Variants in THSD4 observed in about 807,000 individuals in gnomAD.
THSD4 encodes the protein thrombospondin type-1 domain-containing protein 4.
In THSD4, 69 loss-of-function variants were observed where a neutral mutation model predicts 119.0. That is an observed-to-expected ratio of 0.58 (90% CI 0.48 to 0.71). The LOEUF (loss-of-function observed/expected upper bound fraction) is 0.71, where lower values mean the gene tolerates loss of function less well. Ranked by LOEUF, THSD4 falls within the 30% of genes least tolerant of loss-of-function variation. The pLI, the probability that THSD4 is intolerant of heterozygous loss-of-function variation, is 0.00. For synonymous variants in THSD4, 524 were observed against 540.4 expected (o/e 0.97, Z 0.42); for missense variants, 1,393 against 1,391.1 (o/e 1.00, Z -0.02).
At chr15:71,472,644 A>C (rs1258669283) in intron 7 of THSD4, among the ~76,000 whole-genome samples, 1 of 152,148 alleles carries the variant, frequency 6.6e-6, no homozygotes, top group South Asian at 2.1e-4. Flanking sequence ...TCTTCATTCC[A>C]AGATGAATGT....
At chr15:71,528,105 C>G (rs967079051) in intron 7 of THSD4, among the ~76,000 whole-genome samples, 1 of 152,182 alleles carries the variant, frequency 6.6e-6, no homozygotes, top group South Asian at 2.1e-4. Context: ...CTTGGACTCT[C>G]TTGCTCTCAG....
At chr15:71,530,384 G>C (rs922780932) in intron 7 of THSD4, among the ~76,000 whole-genome samples, 2 of 152,116 alleles carry the variant, frequency 1.3e-5, no homozygotes, top group African/African-American at 4.8e-5. Context: ...AGAAAGCGGG[G>C]AGGAAGGAGG....
chr15:71,723,514 G>A (rs1158266391), intron 8 of THSD4, among the ~76,000 whole-genome samples: 2 of 152,142 alleles, frequency 1.3e-5, no homozygotes, highest in Non-Finnish European at 2.9e-5. Context: ...TGTCTACTGT[G>A]TAAACATTCA....
intron 7 of THSD4, among the ~76,000 whole-genome samples, chr15:71,444,131 G>A (rs2047148483): frequency 1.3e-5 from 2 of 152,172 alleles, no homozygotes; most frequent in Non-Finnish European, 2.9e-5. Flanking sequence ...CGGTGCAAGT[G>A]CTTAATAAAT....
chr15:71,118,902 G>A (rs1012107570), intron 1 of THSD4, among the ~76,000 whole-genome samples: 1 of 152,150 alleles, frequency 6.6e-6, no homozygotes, highest in Non-Finnish European at 1.5e-5. Context: ...CTCCTCCTCC[G>A]CAGGACCGCT....
chr15:71,442,660 G>GTGTGTATATATATA, intron 7 of THSD4, among the ~76,000 whole-genome samples: 3 of 25,828 alleles, frequency 1.2e-4, no homozygotes, highest in African/African-American at 3.2e-4. Flanking sequence ...GTGTGTGTGT[G>GTGTGTATATATATA]TATATATATA....
At chr15:71,262,137 C>T (rs1247135069) in intron 6 of THSD4, among the ~76,000 whole-genome samples, 1 of 152,154 alleles carries the variant, frequency 6.6e-6, no homozygotes, top group Non-Finnish European at 1.5e-5. Context: ...TGCAATGCCA[C>T]ATAGAATAGT....
rs2043284941 is a variant in THSD4, at chr15:71,165,285, ACTT to A, written c.99+10357_99+10359del. On this transcript the variant is annotated intron_variant, in intron 3 of 17. Transcript: ENST00000261862. ...GAAATGGTCTTCCACCTCTCTGAGC[ACTT>A]CTTAGAAAACTCTTGAGAAGTTGAC... 1.1e-5 allele frequency: 18 copies of A among 1,591,158 alleles called. No individual in the cohort carries two copies. In the South Asian group the frequency reaches 1.8e-4, roughly 16 times the overall value.
chr15:71,324,840 T>C (rs1357957855), intron 6 of THSD4, among the ~76,000 whole-genome samples: 4 of 152,356 alleles, frequency 2.6e-5, no homozygotes, highest in African/African-American at 7.2e-5. Flanking sequence ...GTAGGATTGC[T>C]GGATGGAATG....
chr15:71,322,039 G>C lies in THSD4; in HGVS notation c.1015+65324G>C, dbSNP rs532532314. On this transcript the variant is annotated intron_variant, in intron 6 of 17. Transcript: ENST00000261862. ...ATCACATGGACTTAAAAAAAAAAAAGTGGGTCAAATTAAGTTGAAAACAAG... is the reference window on the plus strand; with the variant it reads ...ATCACATGGACTTAAAAAAAAAAAACTGGGTCAAATTAAGTTGAAAACAAG... Among the ~76,000 whole-genome samples, 5 of 151,202 alleles carry C rather than the reference G, an allele frequency of 3.3e-5. No individual in the cohort carries two copies. In the East Asian group the frequency reaches 9.7e-4, roughly 29 times the overall value.
chr15:71,199,981 C>T (rs62016847), intron 3 of THSD4, among the ~76,000 whole-genome samples: 60,912 of 127,440 alleles, frequency 0.48, 13,653 homozygotes, highest in East Asian at 0.6. Flanking sequence ...GTGGGCAAAA[C>T]TGCCTCTGGT....
chr15:71,294,280 G>T (rs374843591), intron 6 of THSD4, among the ~76,000 whole-genome samples: 1 of 152,148 alleles, frequency 6.6e-6, no homozygotes, highest in Non-Finnish European at 1.5e-5. Flanking sequence ...GTTTTTCACT[G>T]TCTAGCTCAG....
At chr15:71,192,413 G>T (rs1327045823) in intron 3 of THSD4, among the ~76,000 whole-genome samples, 4 of 151,948 alleles carry the variant, frequency 2.6e-5, no homozygotes, top group African/African-American at 9.7e-5. Flanking sequence ...TACCCGAGTG[G>T]CTGGGATTAC....
intron 6 of THSD4, among the ~76,000 whole-genome samples, chr15:71,410,900 T>C (rs2046678186): frequency 6.6e-6 from 1 of 151,634 alleles, no homozygotes; most frequent in Admixed American, 6.6e-5. Context: ...CACACAAAAT[T>C]AGCTGGCTGT....
intron 7 of THSD4, among the ~76,000 whole-genome samples, chr15:71,584,978 C>T (rs1268400935): frequency 6.7e-6 from 1 of 149,822 alleles, no homozygotes; most frequent in Non-Finnish European, 1.5e-5. Context: ...ACATTTTTAA[C>T]TTCTGTTTTC....
intron 3 of THSD4, among the ~76,000 whole-genome samples, chr15:71,168,519 A>C (rs1190397709): frequency 6.6e-6 from 1 of 152,194 alleles, no homozygotes; most frequent in Admixed American, 6.5e-5. Context: ...CTAAAAACTC[A>C]TTGTCACGGC....
intron 7 of THSD4, among the ~76,000 whole-genome samples, chr15:71,456,453 G>A (rs2047341003): frequency 6.6e-6 from 1 of 152,202 alleles, no homozygotes; most frequent in African/African-American, 2.4e-5. Context: ...TGAAGGCACT[G>A]TGCTAAGCAT....
intron 7 of THSD4, among the ~76,000 whole-genome samples, chr15:71,658,809 G>A (rs2051240685): frequency 6.6e-6 from 1 of 152,214 alleles, no homozygotes; most frequent in Non-Finnish European, 1.5e-5. Context: ...ATTACTGTCA[G>A]AGATAATGTT....
chr15:71,727,666 A>C (rs2052887165), intron 8 of THSD4, among the ~76,000 whole-genome samples: 2 of 144,612 alleles, frequency 1.4e-5, no homozygotes, highest in South Asian at 4.5e-4. Flanking sequence ...GCTACTCAGG[A>C]GGCTGAAGCA....
Sources: allele counts gnomAD v4.1 joint callset (sites outside exome capture counted in the v4.1 genomes callset), GRCh38; gene constraint gnomAD v4.1.1; transcripts MANE v1.5; gene names NCBI Gene and HGNC (gene_info 2026-07-23, HGNC 2026-07-21).